The following PTPRG variants were observed in gnomAD, a reference collection of about 807,000 sequenced individuals.
PTPRG encodes the protein receptor-type tyrosine-protein phosphatase gamma.
Under a neutral mutation model 165.3 loss-of-function variants are expected in PTPRG, and 102 were observed. The observed-to-expected ratio is 0.62, with a 90% CI of 0.53 to 0.73. The LOEUF is 0.73. Ranked by LOEUF, PTPRG falls within the 30% of genes least tolerant of loss-of-function variation. PTPRG has a pLI of 0.00. For missense variants in PTPRG, 1,866 were observed against 1,861.4 expected (o/e 1.00, Z -0.05); for synonymous variants, 675 against 669.5 (o/e 1.01, Z -0.13).
At chr3:61,746,015 T>C (rs763025123) in intron 1 of PTPRG, among the ~76,000 whole-genome samples, 2 of 151,184 alleles carry the variant, frequency 1.3e-5, no homozygotes, top group Non-Finnish European at 2.9e-5. Context: ...TATTTTATTT[T>C]AGTTATTTTA....
chr3:61,881,674 A>T (rs557297395), intron 2 of PTPRG, among the ~76,000 whole-genome samples: 1 of 152,346 alleles, frequency 6.6e-6, no homozygotes, highest in African/African-American at 2.4e-5. Flanking sequence ...TTCCTCAAAT[A>T]CATTTACACA....
intron 1 of PTPRG, among the ~76,000 whole-genome samples, chr3:61,676,007 A>T (rs1406885877): frequency 6.6e-6 from 1 of 152,110 alleles, no homozygotes; most frequent in East Asian, 1.9e-4. Flanking sequence ...ATAGAGGAAA[A>T]TTTGTCCAGT....
chr3:62,222,117 A>G lies in PTPRG; in HGVS notation c.2288+3134A>G, dbSNP rs1055286103. Among the ~76,000 whole-genome samples, 4 of 152,258 alleles carry G rather than the reference A, an allele frequency of 2.6e-5. No homozygotes were observed. The highest frequency in any genetic ancestry group is 9.6e-5 in the African/African-American group (4 of 41,476). The stretch of plus-strand genomic sequence containing the variant: ...CCTGCTATGGGCCAAATAGTTGGCA[A>G]TATCATCACCAGAACCCTTTTGTTG... On this transcript the variant is annotated intron_variant, in intron 13 of 29. Transcript: ENST00000474889. This position sits in a 1 kb window ranked among gnomAD's most constrained non-coding sequence, Gnocchi z 4.5.
chr3:62,103,894 C>G (rs891724535), intron 5 of PTPRG, among the ~76,000 whole-genome samples: 2 of 152,136 alleles, frequency 1.3e-5, no homozygotes, highest in Non-Finnish European at 2.9e-5. Flanking sequence ...TGCATTTTAC[C>G]AAGAGTTGCT....
At chr3:62,104,377 G>T (rs555608036) in intron 5 of PTPRG, among the ~76,000 whole-genome samples, 1 of 152,168 alleles carries the variant, frequency 6.6e-6, no homozygotes. Context: ...GCATGAAATC[G>T]TATAGTTTTA....
At chr3:61,938,163 A>G (rs1238540850) in intron 2 of PTPRG, among the ~76,000 whole-genome samples, 1 of 151,006 alleles carries the variant, frequency 6.6e-6, no homozygotes, top group Non-Finnish European at 1.5e-5. Context: ...CTAAATCCGA[A>G]TGAGTCATTT....
At chr3:62,142,389 T>A (rs1039366605) in intron 6 of PTPRG, among the ~76,000 whole-genome samples, 2 of 152,042 alleles carry the variant, frequency 1.3e-5, no homozygotes, top group African/African-American at 4.8e-5. Flanking sequence ...GAAGGCAAGG[T>A]CTTCTCGTGT....
At chr3:62,192,882 CT>C (rs946376997) in intron 9 of PTPRG, among the ~76,000 whole-genome samples, 57 of 152,294 alleles carry the variant, frequency 3.7e-4, no homozygotes, top group African/African-American at 1.1e-3. Flanking sequence ...ACTGTTATCA[CT>C]TTTTTTCTCC....
chr3:62,066,160 AATT>A (rs1422980486), intron 4 of PTPRG, among the ~76,000 whole-genome samples: 1 of 152,218 alleles, frequency 6.6e-6, no homozygotes, highest in Non-Finnish European at 1.5e-5. Context: ...TGCTTAGCTT[AATT>A]GCAAATTCAT....
At chr3:61,614,349 A>G (rs1377305374) in intron 1 of PTPRG, among the ~76,000 whole-genome samples, 1 of 151,860 alleles carries the variant, frequency 6.6e-6, no homozygotes, top group Non-Finnish European at 1.5e-5. Flanking sequence ...GTGAGTTACT[A>G]AAACCTTTCT....
At chr3:62,086,761 A>T (rs1701766031) in intron 5 of PTPRG, among the ~76,000 whole-genome samples, 2 of 152,320 alleles carry the variant, frequency 1.3e-5, no homozygotes, top group South Asian at 4.1e-4. Flanking sequence ...ATTTCATAGG[A>T]CTTACCATTA....
At chr3:61,625,794 G>A (rs1369902294) in intron 1 of PTPRG, among the ~76,000 whole-genome samples, 4 of 152,030 alleles carry the variant, frequency 2.6e-5, no homozygotes, top group Admixed American at 2.0e-4. Flanking sequence ...CAGTAAGGTG[G>A]GACTTGCTTA....
At chr3:62,244,758 A>G (rs1362070211) in intron 15 of PTPRG, among the ~76,000 whole-genome samples, 3 of 152,146 alleles carry the variant, frequency 2.0e-5, no homozygotes, top group African/African-American at 2.4e-5. Context: ...TCCCACTACA[A>G]TGAGAGCTTT....
At chr3:61,904,463 C>T (rs1013732021) in intron 2 of PTPRG, among the ~76,000 whole-genome samples, 9 of 152,156 alleles carry the variant, frequency 5.9e-5, no homozygotes, top group African/African-American at 9.7e-5. Flanking sequence ...GCAGATCAAG[C>T]CTGCTTCCCA....
chr3:61,665,942 A>T (rs1702801450), intron 1 of PTPRG, among the ~76,000 whole-genome samples: 1 of 151,492 alleles, frequency 6.6e-6, no homozygotes, highest in South Asian at 2.1e-4. Context: ...TTAGACTTAT[A>T]TTGGAAAGGA....
intron 2 of PTPRG, chr3:61,753,584 G>GTTT (rs780560728): frequency 5.7e-6 from 2 of 350,942 alleles, no homozygotes; most frequent in South Asian, 1.8e-5. Context: ...GAAATTTGAG[G>GTTT]GTTTTTTTTT....
intron 5 of PTPRG, among the ~76,000 whole-genome samples, chr3:62,091,798 A>T (rs1388613368): frequency 6.6e-6 from 1 of 151,542 alleles, no homozygotes; most frequent in Non-Finnish European, 1.5e-5. Flanking sequence ...CGTGGAGGGG[A>T]GGTGGGAGTT....
rs967577227 is a variant in PTPRG at position 62,091,526 on chromosome 3, A to C, written c.615+13268A>C. On this transcript the variant is annotated intron_variant, in intron 5 of 29. Transcript: ENST00000474889. ...GGCCATTAGAACGTAAAAGGGCCCT[A>C]TAAGATTTTCCCCTGGACCCCAAGG... Among the ~76,000 whole-genome samples the C allele has an allele frequency of 2.0e-5, 3 of 152,142 alleles. No homozygotes were observed. In the South Asian group the frequency reaches 6.2e-4, roughly 31 times the overall value.
intron 20 of PTPRG, 120 bp downstream of exon 20, chr3:62,269,289 A>C: frequency 9.5e-7 from 1 of 1,052,786 alleles, no homozygotes. Flanking sequence ...TTTTTAAAAC[A>C]TTTTTTCATA....
Sources: gnomAD v4.1 joint callset for allele counts (sites outside exome capture counted in the v4.1 genomes callset) on GRCh38, gnomAD v4.1.1 for gene constraint, Gnocchi (gnomAD v3.1) non-coding constraint, MANE v1.5 for transcripts, NCBI Gene and HGNC (gene_info 2026-07-23, HGNC 2026-07-21) for gene names.